The following TNIK variants were observed in gnomAD, a reference collection of about 807,000 sequenced individuals.
The protein encoded by TNIK is TRAF2 and NCK-interacting protein kinase.
TNIK carries 49 observed loss-of-function variants against 191.3 expected under a neutral mutation model. The observed-to-expected ratio is 0.26, with a 90% CI of 0.20 to 0.32. The LOEUF (loss-of-function observed/expected upper bound fraction) is 0.32. Among genes scored for constraint, TNIK ranks in the 10% least tolerant of loss-of-function variants. The pLI is 1.00. For missense variants in TNIK, 1,155 were observed against 1,702.3 expected (o/e 0.68, Z 5.66); for synonymous variants, 594 against 600.9 (o/e 0.99, Z 0.17).
intron 2 of TNIK, among the ~76,000 whole-genome samples, chr3:171,262,482 A>G (rs1284677840): frequency 6.6e-6 from 1 of 152,202 alleles, no homozygotes; most frequent in East Asian, 1.9e-4. Flanking sequence ...CTGAAAGATA[A>G]AAGATCAATG....
In TNIK at chr3:171,061,723, G is replaced by T. The variant is rs760820945; in HGVS notation, c.*2158C>A. The T allele has an allele frequency of 6.6e-6, 1 of 152,108 alleles. No individual in the cohort carries two copies. Among genetic ancestry groups the T allele is most frequent in the Non-Finnish European group, 1.5e-5 (1 of 68,002 alleles). The allele number at this position is 152,108 out of a possible 1,614,324, so 9.4% of individuals were successfully genotyped here. On this transcript the variant is annotated 3_prime_UTR_variant, in exon 33 of 33. Coordinates refer to ENST00000436636, the MANE Select transcript of TNIK (RefSeq NM_015028.4). The stretch of plus-strand genomic sequence containing the variant: ...GGCAATCACATTCGGGAGTGAAATC[G>T]AAATCAATATATTTTGTCCACATCA...
At position 171,385,351 on chromosome 3, in the gene TNIK, A is replaced by G. The variant is rs150635876; in HGVS notation, c.58-15666T>C. 7.1e-3 allele frequency among the ~76,000 whole-genome samples: 1,083 copies of G among 152,252 alleles called. 12 individuals are homozygous for G. Among genetic ancestry groups the G allele is most frequent in the African/African-American group, 0.025 (1,042 of 41,544 alleles). On this transcript the variant is annotated intron_variant, in intron 1 of 32. Transcript: ENST00000436636. ...AGAGAAATCAGAAGGGAGTCTCACGACTGTCAGGGCAGAGGCCTGAGACTA... is the reference window on the plus strand; with the variant it reads ...AGAGAAATCAGAAGGGAGTCTCACGGCTGTCAGGGCAGAGGCCTGAGACTA...
intron 2 of TNIK, among the ~76,000 whole-genome samples, chr3:171,252,128 T>C (rs1306293697): frequency 6.6e-6 from 1 of 152,124 alleles, no homozygotes; most frequent in East Asian, 1.9e-4. Context: ...AACAATCTCC[T>C]ATGTTACCTT....
chr3:171,365,474 G>T (rs1030789327), intron 2 of TNIK, among the ~76,000 whole-genome samples: 1 of 151,900 alleles, frequency 6.6e-6, no homozygotes, highest in African/African-American at 2.4e-5. Flanking sequence ...GAGCCACCGC[G>T]CCCGGCCCAA....
chr3:171,241,897 C>G (rs756718905), intron 2 of TNIK, among the ~76,000 whole-genome samples: 1 of 152,050 alleles, frequency 6.6e-6, no homozygotes, highest in East Asian at 1.9e-4. Flanking sequence ...AACCATCATT[C>G]TCAGCAAGCT....
At chr3:171,403,863 G>A (rs139230499) in intron 1 of TNIK, among the ~76,000 whole-genome samples, 1 of 152,314 alleles carries the variant, frequency 6.6e-6, no homozygotes, top group African/African-American at 2.4e-5. Flanking sequence ...TTCTAAGATT[G>A]TTTTCTGCTA....
intron 1 of TNIK, among the ~76,000 whole-genome samples, chr3:171,403,284 G>A (rs1001730): frequency 0.62 from 94,694 of 152,090 alleles, 30,579 homozygotes; most frequent in African/African-American, 0.68. Flanking sequence ...TGATGAGTAC[G>A]CTGAAAACCA....
chr3:171,158,088 G>A (rs531893757), intron 11 of TNIK, among the ~76,000 whole-genome samples: 17 of 152,118 alleles, frequency 1.1e-4, no homozygotes, highest in Non-Finnish European at 2.1e-4. Flanking sequence ...AGCACAGATC[G>A]GCCTCACCCA....
At chr3:171,139,204 A>G (rs191110570) in intron 14 of TNIK, among the ~76,000 whole-genome samples, 1 of 152,302 alleles carries the variant, frequency 6.6e-6, no homozygotes, top group East Asian at 1.9e-4. Context: ...TTTATATTCA[A>G]GTTGTACAAA....
chr3:171,460,234 G>A lies in TNIK; in HGVS notation c.-171C>T. The A allele has an allele frequency of 1.2e-6, 1 of 811,790 alleles. No individual in the cohort carries two copies. The highest frequency in any genetic ancestry group is 1.7e-5 in the South Asian group (1 of 58,860). The allele number at this position is 811,790 out of a possible 1,614,324, so 50.3% of individuals were successfully genotyped here. Reference sequence around the variant, plus strand: ...ACAGCGCCGGATCCCGATCCTCCGCGCGTCGGTCCGCCGGGTCCGGGAGCC... The same window carrying A: ...ACAGCGCCGGATCCCGATCCTCCGCACGTCGGTCCGCCGGGTCCGGGAGCC... On this transcript the variant is annotated 5_prime_UTR_variant, in exon 1 of 33. Transcript: ENST00000436636. The surrounding 1 kb of genome is among the most constrained non-coding windows in gnomAD (Gnocchi z 6.8).
rs143249223 is a variant in TNIK at position 171,168,342 on chromosome 3, C to T, written c.774-1072G>A. Among the ~76,000 whole-genome samples, 23 of 152,312 alleles carry T rather than the reference C, an allele frequency of 1.5e-4. 1 individual carries two copies. The East Asian group carries it at 4.4e-3, about 29-fold the overall frequency. ...TCTGTTTTGTGCTCTCTGTTGCTCT[C>T]CTGTGGTGCACAGGGGAGATACAGG... On this transcript the variant is annotated intron_variant, in intron 9 of 32. Coordinates refer to ENST00000436636, the MANE Select transcript of TNIK (RefSeq NM_015028.4).
rs377276560 is a variant in TNIK, at chr3:171,101,326, C to T, written c.2591+123G>A. On this transcript the variant is annotated intron_variant, in intron 22 of 32. Coordinates refer to ENST00000436636, the MANE Select transcript of TNIK (RefSeq NM_015028.4). ...TATGCTCCAACAAAAACCCAAGTCC[C>T]GAAAGTCAATTTATCTTGCCACAGA... The T allele has an allele frequency of 4.2e-5, 48 of 1,151,470 alleles. No individual in the cohort carries two copies. In the East Asian group the frequency reaches 4.4e-4, roughly 11 times the overall value. 71.3% of individuals were successfully genotyped at this position (1,151,470 alleles called of 1,614,324 possible). A position where few individuals can be genotyped will look rare whatever the true frequency, so the allele number is the denominator to read the frequency against.
chr3:171,271,654 G>A (rs770389450), intron 2 of TNIK, among the ~76,000 whole-genome samples: 87 of 152,256 alleles, frequency 5.7e-4, no homozygotes, highest in African/African-American at 1.9e-3. Flanking sequence ...ATTTATGACT[G>A]TTTTGACTTT....
rs920862008 is a variant in TNIK, at chr3:171,175,181, G to C, written c.773+71C>G. On this transcript the variant is annotated intron_variant, in intron 9 of 32. Coordinates refer to ENST00000436636, the MANE Select transcript of TNIK (RefSeq NM_015028.4). Reference sequence around the variant, plus strand: ...TTCTATCAGCAGGACCTAGGGATTAGAGCTAATCCAAAATAGAATCACAAG... The same window carrying C: ...TTCTATCAGCAGGACCTAGGGATTACAGCTAATCCAAAATAGAATCACAAG... 19 of 1,433,122 alleles carry C rather than the reference G, an allele frequency of 1.3e-5. No homozygotes were observed. In the African/African-American group the frequency reaches 2.4e-4, roughly 18 times the overall value. The allele number at this position is 1,433,122 out of a possible 1,614,324, so 88.8% of individuals were successfully genotyped here.
At chr3:171,296,855 A>G (rs1424633322) in intron 2 of TNIK, among the ~76,000 whole-genome samples, 1 of 152,220 alleles carries the variant, frequency 6.6e-6, no homozygotes, top group Non-Finnish European at 1.5e-5. Flanking sequence ...CTCCTCTATC[A>G]GAGATGAATT....
At chr3:171,335,248 T>C (rs1756845460) in intron 2 of TNIK, among the ~76,000 whole-genome samples, 3 of 152,240 alleles carry the variant, frequency 2.0e-5, no homozygotes, top group South Asian at 2.1e-4. Context: ...TAAAAGAAAA[T>C]GCATAGGTTG....
At chr3:171,239,994 C>T (rs1744752422) in intron 2 of TNIK, among the ~76,000 whole-genome samples, 1 of 152,142 alleles carries the variant, frequency 6.6e-6, no homozygotes, top group Admixed American at 6.5e-5. Context: ...TGATCTGCCC[C>T]AAGCTCTGGG....
chr3:171,205,443 G>A (rs1172401894), intron 4 of TNIK, among the ~76,000 whole-genome samples: 1 of 152,194 alleles, frequency 6.6e-6, no homozygotes, highest in African/African-American at 2.4e-5. Flanking sequence ...CAGAATGTAG[G>A]AGCTGTAACT....
intron 2 of TNIK, among the ~76,000 whole-genome samples, chr3:171,268,099 C>T (rs909021962): frequency 2.0e-5 from 3 of 152,154 alleles, no homozygotes; most frequent in Non-Finnish European, 4.4e-5. Context: ...TTGATTTGCT[C>T]CTCATTTAAA....
Sources: allele counts gnomAD v4.1 joint callset (sites outside exome capture counted in the v4.1 genomes callset), GRCh38; gene constraint gnomAD v4.1.1; non-coding constraint Gnocchi (gnomAD v3.1); transcripts MANE v1.5; gene names NCBI Gene and HGNC (gene_info 2026-07-23, HGNC 2026-07-21).